M1AP: variants seen among roughly 807,000 people sequenced by gnomAD.
The protein encoded by M1AP is meiosis 1 arrest protein.
A neutral mutation model predicts 51.2 loss-of-function variants in M1AP; 39 were observed. The observed-to-expected ratio is 0.76, with a 90% CI of 0.59 to 1.00. M1AP has a LOEUF of 1.00. Among genes scored for constraint, M1AP ranks in the 50% least tolerant of loss-of-function variants. The pLI is 0.00. For synonymous variants in M1AP, 251 were observed against 249.2 expected, an observed-to-expected ratio of 1.01 and a Z score of -0.07; for missense variants, 545 against 641.2, an observed-to-expected ratio of 0.85 and a Z score of 1.62.
Position 74,618,804 on chromosome 2 carries a change from C to T in M1AP, c.241-3655G>A, listed in dbSNP as rs1261749312. The T allele has an allele frequency of 3.9e-5, 12 of 311,146 alleles. No individual in the cohort carries two copies. The East Asian group carries it at 1.1e-3, about 28-fold the overall frequency. 19.3% of individuals were successfully genotyped at this position (311,146 alleles called of 1,614,324 possible). A position where few individuals can be genotyped will look rare whatever the true frequency, so the allele number is the denominator to read the frequency against. On this transcript the variant is annotated intron_variant, in intron 2 of 10. Coordinates refer to ENST00000421985, the MANE Select transcript of M1AP (RefSeq NM_001321739.2). ...AAAATGCCTCTGAAAGGCAAGGTCCCTCGTGTGCTGAGCCTCCCAAATCCC... is the reference window on the plus strand; with the variant it reads ...AAAATGCCTCTGAAAGGCAAGGTCCTTCGTGTGCTGAGCCTCCCAAATCCC...
At chr2:74,643,722 T>C (rs1683445228) in intron 1 of M1AP, among the ~76,000 whole-genome samples, 1 of 151,890 alleles carries the variant, frequency 6.6e-6, no homozygotes, top group Non-Finnish European at 1.5e-5. Flanking sequence ...GCCTCCTAAG[T>C]ACCTGGCACT....
intron 2 of M1AP, among the ~76,000 whole-genome samples, chr2:74,626,961 GA>G (rs1682433303): frequency 6.6e-6 from 1 of 151,998 alleles, no homozygotes; most frequent in Admixed American, 6.6e-5. Flanking sequence ...TTTAAAATTT[GA>G]ACTTTACTAG....
In M1AP at chr2:74,622,019, C is replaced by T. The variant is rs188658147; in HGVS notation, c.241-6870G>A. Among the ~76,000 whole-genome samples the T allele has an allele frequency of 9.7e-3, 1,453 of 150,288 alleles. 105 individuals carry two copies. The highest frequency in any genetic ancestry group is 0.087 in the Admixed American group (1,316 of 15,108). ...CCTGTAATCCCAGCTACTCGGGAGA[C>T]TGAGGCATAAGAATCACTTAGACCT... On this transcript the variant is annotated intron_variant, in intron 2 of 10. Transcript: ENST00000421985.
In M1AP at chr2:74,605,061, C is replaced by T. The variant is rs368864722; in HGVS notation, c.595+1994G>A. 1.3e-4 allele frequency among the ~76,000 whole-genome samples: 19 copies of T among 151,458 alleles called. No homozygotes were observed. The East Asian group carries it at 2.5e-3, about 20-fold the overall frequency. ...GTCAAAACTAGACTTTTTTTTTTCC[C>T]CATGGGGTTAGCAAAAATAAAAAAA... On this transcript the variant is annotated intron_variant, in intron 4 of 10. Coordinates refer to ENST00000421985, the MANE Select transcript of M1AP (RefSeq NM_001321739.2).
At chr2:74,630,848 C>T (rs1573180461) in intron 2 of M1AP, among the ~76,000 whole-genome samples, 1 of 152,086 alleles carries the variant, frequency 6.6e-6, no homozygotes, top group East Asian at 1.9e-4. Flanking sequence ...GGGTATATAC[C>T]TAGTAATGGG....
At chr2:74,561,208 GAGGAGGAGA>G (rs1677963656) in intron 8 of M1AP, among the ~76,000 whole-genome samples, 3 of 133,856 alleles carry the variant, frequency 2.2e-5, no homozygotes, top group South Asian at 2.4e-4. Flanking sequence ...GAAGGAGGAG[GAGGAGGAGA>G]AGGAGGAGGA....
chr2:74,575,692 G>A (rs2104565209), intron 6 of M1AP, 113 bp from the exon 7 acceptor site: 3 of 794,650 alleles, frequency 3.8e-6, no homozygotes, highest in Non-Finnish European at 6.2e-6. Context: ...TTTTAAATTA[G>A]TGTCTGTGAA....
At chr2:74,616,648 T>C (rs780301711) in intron 2 of M1AP, among the ~76,000 whole-genome samples, 1 of 152,226 alleles carries the variant, frequency 6.6e-6, no homozygotes, top group Non-Finnish European at 1.5e-5. Context: ...GAGTTCTAAG[T>C]TTCCTATGAG....
Position 74,558,513 on chromosome 2 carries a change from G to T in M1AP, c.*203C>A. 5.4e-6 allele frequency: 3 copies of T among 558,146 alleles called. No individual in the cohort carries two copies. Among genetic ancestry groups the T allele is most frequent in the Non-Finnish European group, 3.1e-6 (1 of 324,638 alleles). The allele number at this position is 558,146 out of a possible 1,614,324, so 34.6% of individuals were successfully genotyped here. On this transcript the variant is annotated 3_prime_UTR_variant, in exon 11 of 11. Coordinates refer to ENST00000421985, the MANE Select transcript of M1AP (RefSeq NM_001321739.2). ...AAAGAAAATGAAAGTCCTTGCTGGA[G>T]AAAGGACAGGCTCGGGTGTGTCGCT...
chr2:74,643,383 T>A (rs954435864), intron 1 of M1AP, among the ~76,000 whole-genome samples: 1 of 151,626 alleles, frequency 6.6e-6, no homozygotes, highest in Admixed American at 6.6e-5. Context: ...AAAGAATACA[T>A]ACACATGTAG....
At chr2:74,636,141 G>A (rs1682979812) in intron 2 of M1AP, among the ~76,000 whole-genome samples, 1 of 151,654 alleles carries the variant, frequency 6.6e-6, no homozygotes, top group South Asian at 2.1e-4. Flanking sequence ...AGCTTCTGTT[G>A]TTTGATGCAT....
At chr2:74,590,527 T>G (rs184033653) in intron 4 of M1AP, among the ~76,000 whole-genome samples, 2 of 152,288 alleles carry the variant, frequency 1.3e-5, no homozygotes, top group African/African-American at 4.8e-5. Context: ...TCAAATGTAG[T>G]ATTTCAGCCT....
chr2:74,609,255 TAC>T (rs1202110768), intron 3 of M1AP, among the ~76,000 whole-genome samples: 1 of 152,186 alleles, frequency 6.6e-6, no homozygotes, highest in African/African-American at 2.4e-5. Context: ...TTCAACTCTG[TAC>T]TTCTATGAGA....
At chr2:74,645,134 C>T (rs553789865) in intron 1 of M1AP, among the ~76,000 whole-genome samples, 1 of 152,202 alleles carries the variant, frequency 6.6e-6, no homozygotes, top group Admixed American at 6.5e-5. Flanking sequence ...GACCACAAAC[C>T]CACCGGGAGG....
At chr2:74,564,795 G>C (rs1026110746) in intron 7 of M1AP, among the ~76,000 whole-genome samples, 1 of 152,220 alleles carries the variant, frequency 6.6e-6, no homozygotes, top group South Asian at 2.1e-4. Flanking sequence ...AAACCAGGAA[G>C]TTTCAGGGGA....
intron 7 of M1AP, among the ~76,000 whole-genome samples, chr2:74,570,038 T>C (rs375579280): frequency 3.9e-5 from 6 of 152,128 alleles, no homozygotes; most frequent in Non-Finnish European, 8.8e-5. Context: ...TTTGGTGTCC[T>C]TTGAATACAC....
At chr2:74,622,238 ATTT>A (rs1359709031) in intron 2 of M1AP, among the ~76,000 whole-genome samples, 1 of 151,954 alleles carries the variant, frequency 6.6e-6, no homozygotes, top group Non-Finnish European at 1.5e-5. Flanking sequence ...TTGCCTGTTT[ATTT>A]TTTATTTTAT....
rs140179344 is a variant in M1AP at position 74,575,563 on chromosome 2, C to T, written c.949G>A (p.Gly317Arg). Residue 317 changes from glycine (G) to arginine (R), a missense_variant, in exon 7 of 11, where the codon GGG (glycine) becomes AGG (arginine). By Grantham distance (125) the Gly-to-Arg change is moderately radical. Transcript: ENST00000421985. ...CCATATGTCAATGACTCGCAGAGCC[C>T]GCTAGATTTTAAAGCCCTAGGAAGA... The part of the protein sequence containing the change: ...LQVIKALKSS[G>R]LCESLTYGLP... 1.1e-4 allele frequency: 171 copies of T among 1,613,818 alleles called. No homozygotes were observed. The highest frequency in any genetic ancestry group is 1.2e-4 in the Non-Finnish European group (147 of 1,179,922).
chr2:74,591,033 C>G (rs1360946494), intron 4 of M1AP, among the ~76,000 whole-genome samples: 1 of 152,134 alleles, frequency 6.6e-6, no homozygotes, highest in African/African-American at 2.4e-5. Context: ...ATAGTGATAC[C>G]TAGGCTAAGG....
Sources: allele counts gnomAD v4.1 joint callset (sites outside exome capture counted in the v4.1 genomes callset), GRCh38; gene constraint gnomAD v4.1.1; transcripts MANE v1.5; gene names NCBI Gene and HGNC (gene_info 2026-07-23, HGNC 2026-07-21).